The following SLCO1B1 variants were observed in gnomAD, a reference collection of about 807,000 sequenced individuals.
SLCO1B1 encodes solute carrier organic anion transporter family member 1B1.
In SLCO1B1, 81 loss-of-function variants were observed where a neutral mutation model predicts 70.1. That is an observed-to-expected ratio of 1.16 (90% confidence interval 0.97 to 1.39). The LOEUF (loss-of-function observed/expected upper bound fraction) is 1.39. SLCO1B1 is among the 40% of genes most tolerant of loss of function. The pLI is 0.00. For synonymous variants in SLCO1B1, 283 were observed against 271.5 expected, an observed-to-expected ratio of 1.04 and a Z score of -0.42; for missense variants, 895 against 799.6, an observed-to-expected ratio of 1.12 and a Z score of -1.44.
chr12:21,181,701 A>G (rs1284329266), intron 7 of SLCO1B1, among the ~76,000 whole-genome samples: 1 of 152,036 alleles, frequency 6.6e-6, no homozygotes, highest in Non-Finnish European at 1.5e-5. Context: ...CTACCTTCTT[A>G]ACAGGTTTTG....
intron 2 of SLCO1B1, among the ~76,000 whole-genome samples, chr12:21,152,060 T>A (rs1279212657): frequency 1.3e-5 from 2 of 152,110 alleles, no homozygotes; most frequent in Admixed American, 6.6e-5. Context: ...TTTGATACTT[T>A]GTTCTGATTT....
At chr12:21,139,537 A>G (rs1489276064) in intron 1 of SLCO1B1, among the ~76,000 whole-genome samples, 3 of 152,064 alleles carry the variant, frequency 2.0e-5, no homozygotes, top group Non-Finnish European at 4.4e-5. Context: ...TATGTATTAT[A>G]TATATTTATA....
chr12:21,180,928 C>A lies in SLCO1B1; in HGVS notation c.727+1908C>A, dbSNP rs545333345. ...ATTGAATGTTCAGATATCATTATATCTTCTCTTATTCAGTGATGAGTATGA... is the reference window on the plus strand; with the variant it reads ...ATTGAATGTTCAGATATCATTATATATTCTCTTATTCAGTGATGAGTATGA... On this transcript the variant is annotated intron_variant, in intron 7 of 14. Coordinates refer to ENST00000256958, the MANE Select transcript of SLCO1B1 (RefSeq NM_006446.5). Among the ~76,000 whole-genome samples, 10 of 152,282 alleles carry A rather than the reference C, an allele frequency of 6.6e-5. No homozygotes were observed. The East Asian group carries it at 1.9e-3, about 29-fold the overall frequency.
At chr12:21,206,126 A>T in intron 11 of SLCO1B1, 93 bp downstream of exon 11, 1 of 1,047,606 alleles carries the variant, frequency 9.5e-7, no homozygotes, top group Non-Finnish European at 1.5e-6. Context: ...TAAGGACTCC[A>T]TTAAAAAGAT....
At chr12:21,215,176 T>C (rs948489735) in intron 11 of SLCO1B1, among the ~76,000 whole-genome samples, 14 of 152,202 alleles carry the variant, frequency 9.2e-5, no homozygotes, top group African/African-American at 3.4e-4. Flanking sequence ...TATTTCTGTC[T>C]CTTTCCTGAT....
chr12:21,161,361 A>C (rs971191689), intron 2 of SLCO1B1, among the ~76,000 whole-genome samples: 4 of 152,228 alleles, frequency 2.6e-5, no homozygotes, highest in Non-Finnish European at 4.4e-5. Context: ...CTTTTGTGGA[A>C]ACATGGATGG....
intron 13 of SLCO1B1, 89 bp from the exon 14 acceptor site, chr12:21,224,628 CTTTTA>C (rs2121193365): frequency 1.2e-6 from 1 of 835,472 alleles, no homozygotes; most frequent in South Asian, 1.4e-5. Flanking sequence ...AATTTTTGAA[CTTTTA>C]TTTAATCAAA....
chr12:21,223,029 T>C (rs1488610024), intron 13 of SLCO1B1, among the ~76,000 whole-genome samples: 1 of 152,156 alleles, frequency 6.6e-6, no homozygotes, highest in Non-Finnish European at 1.5e-5. Context: ...ACTCTGTACA[T>C]TCTGGCAGGT....
At chr12:21,207,702 CT>C (rs1213125823) in intron 11 of SLCO1B1, among the ~76,000 whole-genome samples, 1 of 151,868 alleles carries the variant, frequency 6.6e-6, no homozygotes, top group Non-Finnish European at 1.5e-5. Context: ...TGTTTAAGTT[CT>C]TTGGGAAATC....
At chr12:21,173,647 C>A (rs780491443) in intron 3 of SLCO1B1, among the ~76,000 whole-genome samples, 28 of 151,424 alleles carry the variant, frequency 1.8e-4, no homozygotes, top group Non-Finnish European at 2.9e-4. Context: ...TTTACTCATT[C>A]ATTTTGGTGC....
chr12:21,183,353 A>T (rs1395749814), intron 7 of SLCO1B1, among the ~76,000 whole-genome samples: 2 of 151,954 alleles, frequency 1.3e-5, no homozygotes, highest in African/African-American at 4.8e-5. Flanking sequence ...ACACCACTAC[A>T]CTTGGCTAAT....
intron 1 of SLCO1B1, among the ~76,000 whole-genome samples, chr12:21,136,482 T>C (rs1940223386): frequency 6.6e-6 from 1 of 152,200 alleles, no homozygotes; most frequent in Admixed American, 6.5e-5. Flanking sequence ...CAGACGTAGA[T>C]TTGGTCTTTT....
chr12:21,190,647 G>GT (rs987533656), intron 7 of SLCO1B1, among the ~76,000 whole-genome samples: 46 of 152,098 alleles, frequency 3.0e-4, no homozygotes, highest in Non-Finnish European at 5.7e-4. Context: ...CCAATATGTA[G>GT]TTTTTTTATC....
Position 21,202,539 on chromosome 12 carries a change from A to G in SLCO1B1, c.1184A>G (p.Tyr395Cys), listed in dbSNP as rs1424254552. 6.2e-7 allele frequency: 1 copy of G among 1,612,080 alleles called. No individual in the cohort carries two copies. The highest frequency in any genetic ancestry group is 1.3e-5 in the African/African-American group (1 of 74,908). Reference sequence around the variant, plus strand: ...GCAAGTGGAATGTTTTTAGGAGGATATATCATTAAAAAATTCAAACTGAAC... The same window carrying G: ...GCAAGTGGAATGTTTTTAGGAGGATGTATCATTAAAAAATTCAAACTGAAC... ...IFASGMFLGG[Y>C]IIKKFKLNTV... Residue 395 changes from tyrosine (Y) to cysteine (C), a missense_variant, in exon 10 of 15, where the codon TAT becomes TGT. Transcript: ENST00000256958.
intron 11 of SLCO1B1, among the ~76,000 whole-genome samples, chr12:21,209,857 CT>C (rs755141553): frequency 6.6e-6 from 1 of 152,054 alleles, no homozygotes; most frequent in Non-Finnish European, 1.5e-5. Flanking sequence ...TAAGTGTCTT[CT>C]TTTGAGAAGT....
chr12:21,227,037 T>G (rs7953829), intron 14 of SLCO1B1, among the ~76,000 whole-genome samples: 2,511 of 152,266 alleles, frequency 0.016, 66 homozygotes, highest in African/African-American at 0.057. Flanking sequence ...AGACATTGTC[T>G]TGGCAAAAGT....
chr12:21,196,588 T>C (rs1941094465), intron 7 of SLCO1B1, among the ~76,000 whole-genome samples: 1 of 152,126 alleles, frequency 6.6e-6, no homozygotes, highest in South Asian at 2.1e-4. Context: ...CTTGTGCCAA[T>C]AGACATTTTC....
rs759270114 is a variant in SLCO1B1 at position 21,216,004 on chromosome 12, C to T, written c.1498-1115C>T. On this transcript the variant is annotated intron_variant, in intron 11 of 14. Transcript: ENST00000256958. ...CCAGTTAATACATGCTCCCTCTTTGCACACTAGCGAAGGCCTGAAAGTGAT... is the reference window on the plus strand; with the variant it reads ...CCAGTTAATACATGCTCCCTCTTTGTACACTAGCGAAGGCCTGAAAGTGAT... 3.3e-5 allele frequency among the ~76,000 whole-genome samples: 5 copies of T among 152,204 alleles called. No homozygotes were observed. In the South Asian group the frequency reaches 8.3e-4, roughly 25 times the overall value.
chr12:21,180,387 G>T (rs964055171), intron 7 of SLCO1B1, among the ~76,000 whole-genome samples: 1 of 152,042 alleles, frequency 6.6e-6, no homozygotes. Context: ...CTTTCCATTA[G>T]TCTCAAATTA....
Sources: allele counts gnomAD v4.1 joint callset (sites outside exome capture counted in the v4.1 genomes callset), GRCh38; gene constraint gnomAD v4.1.1; transcripts MANE v1.5; gene names NCBI Gene and HGNC (gene_info 2026-07-23, HGNC 2026-07-21).